Variants in BCAR3 observed in about 807,000 individuals in gnomAD.
The protein encoded by BCAR3 is BCAR3 adaptor protein, NSP family member.
In BCAR3, 37 loss-of-function variants were observed where a neutral mutation model predicts 80.1. The ratio of observed to expected loss-of-function variants is 0.46; its 90% CI spans 0.36 to 0.61. The LOEUF is 0.61. BCAR3 is among the 20% of genes least tolerant of loss of function. BCAR3 has a pLI of 0.00. For synonymous variants in BCAR3, 389 were observed against 418.9 expected (o/e 0.93, Z 0.87); for missense variants, 978 against 1,068.2 (o/e 0.92, Z 1.18).
At chr1:93,692,706 T>G (rs1649238929) in intron 3 of BCAR3, among the ~76,000 whole-genome samples, 1 of 152,198 alleles carries the variant, frequency 6.6e-6, no homozygotes, top group Non-Finnish European at 1.5e-5. Flanking sequence ...ACTGCCCACT[T>G]CATCTCCCAG....
intron 2 of BCAR3, among the ~76,000 whole-genome samples, chr1:93,760,433 T>A (rs1039058601): frequency 1.3e-5 from 2 of 151,970 alleles, no homozygotes; most frequent in Admixed American, 6.6e-5. Context: ...TAAAGCATGA[T>A]GAAGCATGGT....
At chr1:93,577,332 AAC>A (rs1673499503) in intron 7 of BCAR3, among the ~76,000 whole-genome samples, 1 of 152,090 alleles carries the variant, frequency 6.6e-6, no homozygotes, top group Admixed American at 6.6e-5. Flanking sequence ...AGGCTATCAA[AAC>A]ACATCTGGAT....
intron 5 of BCAR3, chr1:93,585,216 A>G: frequency 1.0e-6 from 1 of 985,604 alleles, no homozygotes; most frequent in Middle Eastern, 5.2e-4. Flanking sequence ...CAGCCAGCCA[A>G]CTAGCAGGCC....
Position 93,562,318 on chromosome 1 carries a change from ATC to A in BCAR3, c.2399_2400del (p.Arg800IlefsTer2). 1.2e-6 allele frequency: 2 copies of A among 1,614,164 alleles called. No homozygotes were observed. The highest frequency in any genetic ancestry group is 2.2e-5 in the East Asian group (1 of 44,886). On this transcript the variant is annotated frameshift_variant, in exon 12 of 12. Transcript: ENST00000260502. LOFTEE classifies it high-confidence loss of function. ...GTTAAAATCTGGTTGAATTTCTCAT[ATC>A]TCTCTGTCTGATTGACTTGTGCACC... ...SKGAQVNQTE[R>X]YEKFNQILTA...
chr1:93,619,167 C>T (rs1304496622), intron 3 of BCAR3, among the ~76,000 whole-genome samples: 2 of 149,008 alleles, frequency 1.3e-5, no homozygotes, highest in African/African-American at 2.5e-5. Flanking sequence ...AGGATGGGCT[C>T]GATCTCCTGA....
intron 9 of BCAR3, among the ~76,000 whole-genome samples, chr1:93,571,197 T>C (rs1342379723): frequency 6.8e-6 from 1 of 148,108 alleles, no homozygotes; most frequent in African/African-American, 2.5e-5. Context: ...GAGCGAGACT[T>C]CGTTTAAAAA....
rs767868419 is a variant in BCAR3 at position 93,606,945 on chromosome 1, C to T, written c.358-14552G>A. On this transcript the variant is annotated intron_variant, in intron 3 of 11. Transcript: ENST00000260502. Reference sequence around the variant, plus strand: ...AATCATATCAGAATTGGACAGCATCCGCTGCACTTGGCAATGTGCAGGTCA... The same window carrying T: ...AATCATATCAGAATTGGACAGCATCTGCTGCACTTGGCAATGTGCAGGTCA... Among the ~76,000 whole-genome samples, 14 of 152,274 alleles carry T rather than the reference C, an allele frequency of 9.2e-5. No homozygotes were observed. The East Asian group carries it at 9.7e-4, about 11-fold the overall frequency.
At chr1:93,657,746 A>G (rs1347004757) in intron 2 of BCAR3, among the ~76,000 whole-genome samples, 1 of 152,016 alleles carries the variant, frequency 6.6e-6, no homozygotes, top group Non-Finnish European at 1.5e-5. Context: ...AAAAATGAAA[A>G]GAAAAAGAAA....
At chr1:93,819,671 C>T (rs1230126887) in intron 2 of BCAR3, among the ~76,000 whole-genome samples, 6 of 152,136 alleles carry the variant, frequency 3.9e-5, no homozygotes, top group African/African-American at 1.4e-4. Context: ...TTCAGGCAGA[C>T]GCTGCTGGGT....
At chr1:93,832,666 G>T (rs1654614725) in intron 2 of BCAR3, among the ~76,000 whole-genome samples, 1 of 152,060 alleles carries the variant, frequency 6.6e-6, no homozygotes, top group Non-Finnish European at 1.5e-5. Context: ...TCTTTTCAAG[G>T]GCGTGTTTCC....
At chr1:93,744,888 C>T (rs1651303557) in intron 2 of BCAR3, among the ~76,000 whole-genome samples, 1 of 152,174 alleles carries the variant, frequency 6.6e-6, no homozygotes. Context: ...AAGAGATTTG[C>T]CCAAACTGCA....
intron 3 of BCAR3, among the ~76,000 whole-genome samples, chr1:93,619,290 G>C (rs1675239818): frequency 6.6e-6 from 1 of 152,032 alleles, no homozygotes; most frequent in South Asian, 2.1e-4. Flanking sequence ...AAGTGGAAAA[G>C]AGGGATGAGG....
intron 2 of BCAR3, among the ~76,000 whole-genome samples, chr1:93,657,660 A>T (rs1647450418): frequency 6.6e-6 from 1 of 152,058 alleles, no homozygotes; most frequent in African/African-American, 2.4e-5. Flanking sequence ...AAAAGAGAAA[A>T]ATAATTTTGA....
In BCAR3 at chr1:93,716,326, C is replaced by T. The variant is rs370155377; in HGVS notation, c.-62-10184G>A. ...CAAAGCCTAAAATAGCAATAGCATA[C>T]AGTTGATGTCACAGCACTGGCCTGA... On this transcript the variant is annotated intron_variant, in intron 2 of 13. Coordinates refer to the BCAR3 transcript ENST00000370244. Among the ~76,000 whole-genome samples, 32 of 152,294 alleles carry T rather than the reference C, an allele frequency of 2.1e-4. 3 individuals carry two copies. Among genetic ancestry groups the T allele is most frequent in the East Asian group, 9.6e-4 (5 of 5,192 alleles).
intron 3 of BCAR3, among the ~76,000 whole-genome samples, chr1:93,610,470 C>G (rs114482761): frequency 5.3e-5 from 8 of 152,168 alleles, no homozygotes; most frequent in African/African-American, 2.4e-5. Flanking sequence ...AAAGGGGTTA[C>G]CTGTTCTTAA....
chr1:93,814,009 G>C (rs898593580), intron 2 of BCAR3, among the ~76,000 whole-genome samples: 1 of 152,146 alleles, frequency 6.6e-6, no homozygotes, highest in Non-Finnish European at 1.5e-5. Flanking sequence ...TGGTATTTCA[G>C]GATTAGGTTT....
At chr1:93,585,531 G>C (rs2101837324) in intron 5 of BCAR3, among the ~76,000 whole-genome samples, 1 of 152,312 alleles carries the variant, frequency 6.6e-6, no homozygotes, top group Non-Finnish European at 1.5e-5. Flanking sequence ...CCCTGCAGCA[G>C]TGGTTCTGTT....
intron 7 of BCAR3, among the ~76,000 whole-genome samples, chr1:93,580,013 T>A (rs1044775633): frequency 6.6e-6 from 1 of 152,226 alleles, no homozygotes; most frequent in Non-Finnish European, 1.5e-5. Flanking sequence ...AGCAGGCCCT[T>A]GTTCTTCCAG....
intron 2 of BCAR3, among the ~76,000 whole-genome samples, chr1:93,808,041 T>A (rs1355090382): frequency 1.2e-4 from 18 of 146,464 alleles, no homozygotes; most frequent in Admixed American, 5.4e-4. Context: ...CTTTTTTTTT[T>A]TAAAAAAAAA....
Sources: gnomAD v4.1 joint callset for allele counts (sites outside exome capture counted in the v4.1 genomes callset) on GRCh38, gnomAD v4.1.1 for gene constraint, MANE v1.5 for transcripts, NCBI Gene and HGNC (gene_info 2026-07-23, HGNC 2026-07-21) for gene names.